COL19A1: variants seen among roughly 807,000 people sequenced by gnomAD.
COL19A1 encodes the protein collagen alpha-1(XIX) chain.
In COL19A1, 159 loss-of-function variants were observed where a neutral mutation model predicts 190.2. The observed-to-expected ratio is 0.84, with a 90% confidence interval of 0.73 to 0.95. COL19A1 has a LOEUF of 0.95. Ranked by LOEUF, COL19A1 falls within the 40% of genes least tolerant of loss-of-function variation. The probability of loss-of-function intolerance (pLI) is 0.00; values close to 1 mark genes in which losing one functional copy is unlikely to be tolerated. For synonymous variants in COL19A1, 509 were observed against 458.9 expected, an observed-to-expected ratio of 1.11 and a Z score of -1.39; for missense variants, 1,418 against 1,431.9, an observed-to-expected ratio of 0.99 and a Z score of 0.16.
At chr6:70,116,234 TA>T (rs1010093610) in intron 16 of COL19A1, among the ~76,000 whole-genome samples, 3 of 152,208 alleles carry the variant, frequency 2.0e-5, no homozygotes, top group Admixed American at 6.5e-5. Context: ...TTGTCTTTTA[TA>T]AATTTGGAAG....
chr6:69,949,488 C>T (rs1055853478), intron 9 of COL19A1, among the ~76,000 whole-genome samples: 6 of 151,708 alleles, frequency 4.0e-5, no homozygotes, highest in South Asian at 2.1e-4. Context: ...AAGTTACTAG[C>T]GTATTATCTA....
intron 11 of COL19A1, among the ~76,000 whole-genome samples, chr6:69,993,953 T>G (rs1776763613): frequency 6.6e-6 from 1 of 152,032 alleles, no homozygotes; most frequent in African/African-American, 2.4e-5. Context: ...TCTATTTCCT[T>G]TAGTTCATCT....
chr6:70,111,804 G>A (rs781406890), intron 16 of COL19A1, among the ~76,000 whole-genome samples: 20 of 152,168 alleles, frequency 1.3e-4, no homozygotes, highest in Non-Finnish European at 2.6e-4. Flanking sequence ...CTATAGATAA[G>A]GGAGAGACCT....
intron 47 of COL19A1, among the ~76,000 whole-genome samples, chr6:70,189,279 G>T (rs977944084): frequency 6.6e-6 from 1 of 152,140 alleles, no homozygotes; most frequent in Admixed American, 6.5e-5. Context: ...AGTGAAGAGC[G>T]ATGAGGAACC....
intron 34 of COL19A1, among the ~76,000 whole-genome samples, chr6:70,159,252 A>T (rs919144384): frequency 2.0e-5 from 3 of 152,098 alleles, no homozygotes; most frequent in Non-Finnish European, 4.4e-5. Flanking sequence ...TTATGGTATA[A>T]CATTTATAAT....
chr6:70,046,544 T>C (rs1422801582), intron 14 of COL19A1, among the ~76,000 whole-genome samples: 1 of 152,156 alleles, frequency 6.6e-6, no homozygotes, highest in East Asian at 1.9e-4. Flanking sequence ...TGCAGAGTGC[T>C]GGCCAATTAG....
intron 49 of COL19A1, 67 bp downstream of exon 49, chr6:70,199,803 C>A: frequency 1.3e-6 from 2 of 1,481,574 alleles, no homozygotes; most frequent in South Asian, 1.4e-5. Flanking sequence ...ATGTTAGTCA[C>A]AGTTAAGGAA....
At chr6:69,891,087 C>T (rs751322678) in intron 2 of COL19A1, 2 of 277,118 alleles carry the variant, frequency 7.2e-6, no homozygotes, top group Non-Finnish European at 1.5e-5. Flanking sequence ...ACAGACAAAC[C>T]CATTTGTTAG....
intron 15 of COL19A1, among the ~76,000 whole-genome samples, chr6:70,079,632 G>A (rs145587926): frequency 7.6e-4 from 115 of 152,262 alleles, no homozygotes; most frequent in African/African-American, 2.6e-3. Flanking sequence ...CAGAGGTATC[G>A]GAGGATGGAG....
At chr6:69,872,898 A>T (rs1379615105) in intron 1 of COL19A1, among the ~76,000 whole-genome samples, 1 of 152,192 alleles carries the variant, frequency 6.6e-6, no homozygotes, top group African/African-American at 2.4e-5. Flanking sequence ...AATAGCTGAA[A>T]ATTTAAGAGA....
rs188065767 is a variant in COL19A1 at position 69,954,817 on chromosome 6, A to G, written c.937-5179A>G. 7.2e-5 allele frequency among the ~76,000 whole-genome samples: 11 copies of G among 152,220 alleles called. No homozygotes were observed. In the East Asian group the frequency reaches 1.9e-3, roughly 27 times the overall value. On this transcript the variant is annotated intron_variant, in intron 9 of 50. Transcript: ENST00000620364. ...ACCATTTACTTCAGGGCTAAAGATA[A>G]GTAACCAATGGCTTCAGTACATTTA... is the stretch of plus-strand genomic sequence containing the variant.
chr6:69,881,585 T>C lies in COL19A1; in HGVS notation c.91+1927T>C, dbSNP rs533374928. 1.4e-3 allele frequency among the ~76,000 whole-genome samples: 207 copies of C among 152,360 alleles called. 1 individual carries two copies. Among genetic ancestry groups the C allele is most frequent in the Middle Eastern group, 6.8e-3 (2 of 294 alleles). On this transcript the variant is annotated intron_variant, in intron 2 of 50. Coordinates refer to ENST00000620364, the MANE Select transcript of COL19A1 (RefSeq NM_001858.6). ...CTCTTTAATCAGGTTACATGATGTA[T>C]AGGACTACCAAAATGCATATATTCT...
At chr6:70,112,357 C>A (rs755445332) in intron 16 of COL19A1, among the ~76,000 whole-genome samples, 12 of 152,142 alleles carry the variant, frequency 7.9e-5, no homozygotes, top group Non-Finnish European at 1.2e-4. Flanking sequence ...GGTGGCAAGG[C>A]ACTCTAAAGA....
At chr6:70,037,317 G>A (rs149229907) in intron 14 of COL19A1, among the ~76,000 whole-genome samples, 20 of 151,838 alleles carry the variant, frequency 1.3e-4, no homozygotes, top group Non-Finnish European at 2.4e-4. Flanking sequence ...CACCATGCCC[G>A]GCTAATTTTT....
intron 15 of COL19A1, among the ~76,000 whole-genome samples, chr6:70,091,543 C>T (rs1399408849): frequency 8.4e-6 from 1 of 119,062 alleles, no homozygotes; most frequent in African/African-American, 3.3e-5. Context: ...CAGCGAAAAG[C>T]CAGCAGGTGA....
chr6:70,145,031 T>C (rs1254094020), intron 25 of COL19A1, 24 bp downstream of exon 25: 1 of 1,399,462 alleles, frequency 7.1e-7, no homozygotes, highest in Non-Finnish European at 9.7e-7. Context: ...CTTTTGTTAA[T>C]ATTTTTCTTG....
At chr6:70,105,311 C>T (rs1185999922) in intron 16 of COL19A1, among the ~76,000 whole-genome samples, 1 of 152,048 alleles carries the variant, frequency 6.6e-6, no homozygotes, top group Non-Finnish European at 1.5e-5. Context: ...CTGCGCACCA[C>T]CACGCCCAGC....
intron 48 of COL19A1, among the ~76,000 whole-genome samples, chr6:70,192,091 T>C (rs1249872693): frequency 6.6e-6 from 1 of 152,064 alleles, no homozygotes; most frequent in African/African-American, 2.4e-5. Flanking sequence ...CTGAGGAGTC[T>C]CATCTGTCAC....
chr6:70,179,222 A>T (rs1766014878), intron 42 of COL19A1, among the ~76,000 whole-genome samples: 1 of 152,184 alleles, frequency 6.6e-6, no homozygotes. Context: ...TCCTTCCGGA[A>T]TTCTAAGCAG....
Sources: gnomAD v4.1 joint callset for allele counts (sites outside exome capture counted in the v4.1 genomes callset) on GRCh38, gnomAD v4.1.1 for gene constraint, MANE v1.5 for transcripts, NCBI Gene and HGNC (gene_info 2026-07-23, HGNC 2026-07-21) for gene names.